The following TGIF2 variants were observed in gnomAD, a reference collection of about 807,000 sequenced individuals.
TGIF2 encodes the protein homeobox protein TGIF2.
Under a neutral mutation model 15.1 loss-of-function variants are expected in TGIF2, and 5 were observed. That is an observed-to-expected ratio of 0.33 (90% CI 0.17 to 0.70). The LOEUF is 0.70. TGIF2 is among the 30% of genes least tolerant of loss of function. The probability of loss-of-function intolerance (pLI) is 0.67; values close to 1 mark genes in which losing one functional copy is unlikely to be tolerated. For synonymous variants in TGIF2, 131 were observed against 128.9 expected, an observed-to-expected ratio of 1.02 and a Z score of -0.11; for missense variants, 264 against 302.5, an observed-to-expected ratio of 0.87 and a Z score of 0.94.
chr20:36,584,412 G>T (rs1009705145), intron 2 of TGIF2, among the ~76,000 whole-genome samples: 1 of 152,194 alleles, frequency 6.6e-6, no homozygotes, highest in Non-Finnish European at 1.5e-5. Flanking sequence ...AGTAAATAAT[G>T]TTGAAGTGGC....
intron 1 of TGIF2, among the ~76,000 whole-genome samples, chr20:36,574,203 G>A (rs1165249039): frequency 6.6e-6 from 1 of 151,944 alleles, no homozygotes; most frequent in South Asian, 2.1e-4. Context: ...GGAGCGGGGG[G>A]GCCCTGGGGA....
chr20:36,587,692 G>C (rs940396831), intron 2 of TGIF2, among the ~76,000 whole-genome samples: 4 of 152,148 alleles, frequency 2.6e-5, no homozygotes, highest in African/African-American at 9.7e-5. Context: ...GAACCTCTCC[G>C]ATCTGTTTCT....
At chr20:36,575,179 TGAA>T (rs1183549086) in intron 1 of TGIF2, among the ~76,000 whole-genome samples, 64 of 152,130 alleles carry the variant, frequency 4.2e-4, no homozygotes, top group African/African-American at 1.5e-3. Flanking sequence ...TATGCGTCGG[TGAA>T]AACCCTAGGG....
In TGIF2 at chr20:36,578,831, G is replaced by A. The variant is rs926407121; in HGVS notation, c.57G>A (p.Arg19=). The change falls in exon 2 of 3, where the codon AGG becomes AGA. Residue 19 remains arginine, a synonymous_variant. Coordinates refer to ENST00000373872, the MANE Select transcript of TGIF2 (RefSeq NM_021809.7). ...DEGLLSLAGK[R]KRRGNLPKES... is the part of the protein sequence containing the mutation. ...GCCTCCTCTCCCTGGCGGGCAAAAG[G>A]AAGCGCAGGGGGAACCTGCCCAAGG... 3.7e-6 allele frequency: 6 copies of A among 1,614,056 alleles called. No individual in the cohort carries two copies. The African/African-American group carries it at 8.0e-5, about 22-fold the overall frequency.
chr20:36,581,801 G>A (rs1600773285), intron 2 of TGIF2, among the ~76,000 whole-genome samples: 1 of 151,958 alleles, frequency 6.6e-6, no homozygotes, highest in Non-Finnish European at 1.5e-5. Context: ...GCTAATTTTT[G>A]TATTTTAAGT....
rs6028193 is a variant in TGIF2, at chr20:36,577,202, A to T, written c.-34-1539A>T. 1.2e-4 allele frequency among the ~76,000 whole-genome samples: 18 copies of T among 150,192 alleles called. No individual in the cohort carries two copies. The East Asian group carries it at 3.5e-3, about 30-fold the overall frequency. ...AATTTTTATTTTATTTTATTTTTTT[A>T]TTTTTTTCTTTTGTTGAGACAGGGA... On this transcript the variant is annotated intron_variant, in intron 1 of 2. Coordinates refer to ENST00000373872, the MANE Select transcript of TGIF2 (RefSeq NM_021809.7).
At position 36,591,131 on chromosome 20, in the gene TGIF2, G is replaced by A; in HGVS notation, c.414G>A (p.Gln138=). Residue 138 remains glutamine (Q), a synonymous_variant, in exon 3 of 3, where the codon CAG becomes CAA. Transcript: ENST00000373872. The surrounding 1 kb of genome is among the most constrained non-coding windows in gnomAD (Gnocchi z 5.3). ...SVCSMPLHSG[Q]GEKPAAPFPR... is the part of the protein sequence containing the mutation. ...GCTCCATGCCGCTTCACTCAGGCCA[G>A]GGGGAAAAGCCAGCAGCCCCTTTCC... 1 of 1,613,642 alleles carries A rather than the reference G, an allele frequency of 6.2e-7. No individual in the cohort carries two copies. The highest frequency in any genetic ancestry group is 8.5e-7 in the Non-Finnish European group (1 of 1,179,690).
At chr20:36,581,350 C>T (rs1372852505) in intron 2 of TGIF2, among the ~76,000 whole-genome samples, 7 of 152,090 alleles carry the variant, frequency 4.6e-5, no homozygotes, top group African/African-American at 1.7e-4. Context: ...AGCCTCTTTG[C>T]GGGTCTCCCT....
In TGIF2 at chr20:36,591,543, C is replaced by A; in HGVS notation, c.*112C>A. ...GATCACTGCCAAACATTGGGATCAT[C>A]TCCTCTGTCCAGAGGTCTTCAACAG... On this transcript the variant is annotated 3_prime_UTR_variant, in exon 3 of 3. Coordinates refer to ENST00000373872, the MANE Select transcript of TGIF2 (RefSeq NM_021809.7). This position sits in a 1 kb window ranked among gnomAD's most constrained non-coding sequence, Gnocchi z 5.3. 8.1e-7 allele frequency: 1 copy of A among 1,240,826 alleles called. No individual in the cohort carries two copies. 76.9% of individuals were successfully genotyped at this position (1,240,826 alleles called of 1,614,324 possible).
chr20:36,587,744 T>G (rs1293059772), intron 2 of TGIF2, among the ~76,000 whole-genome samples: 2 of 152,050 alleles, frequency 1.3e-5, no homozygotes, highest in South Asian at 2.1e-4. Context: ...AGGCTGAGAT[T>G]GAATGAATAA....
chr20:36,575,492 C>T (rs114741347), intron 1 of TGIF2, among the ~76,000 whole-genome samples: 2,801 of 152,298 alleles, frequency 0.018, 85 homozygotes, highest in African/African-American at 0.064. Flanking sequence ...GCCCAGATCC[C>T]AGCTGCCCTG....
intron 2 of TGIF2, among the ~76,000 whole-genome samples, chr20:36,586,054 G>T (rs931026871): frequency 3.9e-5 from 6 of 152,200 alleles, no homozygotes; most frequent in South Asian, 2.1e-4. Flanking sequence ...GGTCAGCTGT[G>T]GGGGAGGAGT....
intron 2 of TGIF2, among the ~76,000 whole-genome samples, chr20:36,585,395 G>A (rs2038634875): frequency 6.6e-6 from 1 of 150,776 alleles, no homozygotes; most frequent in South Asian, 2.1e-4. Context: ...CCCGGGGGTG[G>A]TGGAGGTTGC....
rs1316507359 is a variant in TGIF2 at position 36,593,702 on chromosome 20, A to AT, written c.*2275dup. ...TGGAAGTGTATTGGGCTGAGGTGGGATTTTCCCTCCCCACAGTGCACTGAG... is the reference window on the plus strand; with the variant it reads ...TGGAAGTGTATTGGGCTGAGGTGGGATTTTTCCCTCCCCACAGTGCACTGAG... On this transcript the variant is annotated 3_prime_UTR_variant, in exon 3 of 3. Transcript: ENST00000373872. The AT allele has an allele frequency of 6.6e-6, 1 of 152,452 alleles. No individual in the cohort carries two copies. Among genetic ancestry groups the AT allele is most frequent in the Admixed American group, 6.6e-5 (1 of 15,250 alleles). 9.4% of individuals were successfully genotyped at this position (152,452 alleles called of 1,614,324 possible).
intron 2 of TGIF2, among the ~76,000 whole-genome samples, chr20:36,579,640 AT>A (rs2038504130): frequency 6.6e-6 from 1 of 152,150 alleles, no homozygotes; most frequent in Admixed American, 6.6e-5. Context: ...GGCAGCTGTA[AT>A]TTGCAGTGTG....
intron 2 of TGIF2, among the ~76,000 whole-genome samples, chr20:36,581,167 G>C (rs182518811): frequency 6.6e-6 from 1 of 152,280 alleles, no homozygotes; most frequent in African/African-American, 2.4e-5. Context: ...CATACAGTGG[G>C]TGTTTCTACT....
intron 2 of TGIF2, among the ~76,000 whole-genome samples, chr20:36,588,994 G>A (rs2038715041): frequency 6.6e-6 from 1 of 152,186 alleles, no homozygotes; most frequent in Non-Finnish European, 1.5e-5. Flanking sequence ...AGTTGCATTG[G>A]AGGACCATAG....
intron 1 of TGIF2, among the ~76,000 whole-genome samples, chr20:36,574,045 C>T (rs1305672966): frequency 6.7e-6 from 1 of 150,280 alleles, no homozygotes; most frequent in Non-Finnish European, 1.5e-5. Flanking sequence ...GCCGATCCTG[C>T]ACCGGACCTG....
At chr20:36,575,930 TAA>T (rs113595117) in intron 1 of TGIF2, among the ~76,000 whole-genome samples, 1 of 142,428 alleles carries the variant, frequency 7.0e-6, no homozygotes, top group Non-Finnish European at 1.5e-5. Context: ...CTGTCTCTAC[TAA>T]AAAAAAAAAA....
Sources: gnomAD v4.1 joint callset for allele counts (sites outside exome capture counted in the v4.1 genomes callset) on GRCh38, gnomAD v4.1.1 for gene constraint, Gnocchi (gnomAD v3.1) non-coding constraint, MANE v1.5 for transcripts, NCBI Gene and HGNC (gene_info 2026-07-23, HGNC 2026-07-21) for gene names.